The following SPOCK1 variants were observed in gnomAD, a reference collection of about 807,000 sequenced individuals.
The protein encoded by SPOCK1 is testican-1.
A neutral mutation model predicts 55.3 loss-of-function variants in SPOCK1; 23 were observed. That is an observed-to-expected ratio of 0.42 (90% CI 0.30 to 0.59). The LOEUF is 0.59. SPOCK1 is among the 20% of genes least tolerant of loss of function. The pLI is 0.22. For missense variants in SPOCK1, 499 were observed against 552.5 expected (o/e 0.90, Z 0.97); for synonymous variants, 226 against 221.0 (o/e 1.02, Z -0.20).
At chr5:137,109,600 C>T (rs1307280098) in intron 5 of SPOCK1, among the ~76,000 whole-genome samples, 1 of 152,194 alleles carries the variant, frequency 6.6e-6, no homozygotes, top group Non-Finnish European at 1.5e-5. Flanking sequence ...AGATCATCTT[C>T]TCACCTTCCA....
At chr5:137,082,660 G>A (rs1752895177) in intron 5 of SPOCK1, among the ~76,000 whole-genome samples, 1 of 152,162 alleles carries the variant, frequency 6.6e-6, no homozygotes. Flanking sequence ...ATCAGCCTTA[G>A]ATTTCCATCC....
chr5:137,366,004 G>A (rs1327902969), intron 2 of SPOCK1, among the ~76,000 whole-genome samples: 2 of 152,180 alleles, frequency 1.3e-5, no homozygotes, highest in Non-Finnish European at 2.9e-5. Flanking sequence ...GCCCAAAAGG[G>A]TGCAGCAAAA....
At chr5:137,100,875 G>A (rs374376133) in intron 5 of SPOCK1, among the ~76,000 whole-genome samples, 33 of 147,160 alleles carry the variant, frequency 2.2e-4, no homozygotes, top group East Asian at 8.1e-4. Flanking sequence ...TCCGAAAGGG[G>A]AAAAAAAAAA....
intron 3 of SPOCK1, among the ~76,000 whole-genome samples, chr5:137,190,823 C>T (rs1213535589): frequency 6.6e-6 from 1 of 152,174 alleles, no homozygotes; most frequent in African/African-American, 2.4e-5. Context: ...CCTTCCCATT[C>T]CTCCAAGAGA....
chr5:136,994,908 C>A (rs1290171727), intron 6 of SPOCK1, among the ~76,000 whole-genome samples: 2 of 151,940 alleles, frequency 1.3e-5, no homozygotes, highest in Non-Finnish European at 2.9e-5. Flanking sequence ...GGAAGGCTGA[C>A]ACAGGAGAAT....
intron 2 of SPOCK1, among the ~76,000 whole-genome samples, chr5:137,469,714 C>T (rs925139143): frequency 2.6e-5 from 4 of 152,140 alleles, no homozygotes; most frequent in African/African-American, 9.7e-5. Context: ...TATACACACC[C>T]CGTTCTCCTT....
intron 3 of SPOCK1, among the ~76,000 whole-genome samples, chr5:137,230,843 CA>C (rs1756039299): frequency 1.3e-5 from 2 of 152,084 alleles, no homozygotes; most frequent in Non-Finnish European, 2.9e-5. Flanking sequence ...TGACTTCTTA[CA>C]AAACATTCCA....
chr5:137,345,442 G>A (rs926606619), intron 2 of SPOCK1, among the ~76,000 whole-genome samples: 1 of 152,100 alleles, frequency 6.6e-6, no homozygotes, highest in Non-Finnish European at 1.5e-5. Context: ...TGCAGAGATG[G>A]GCATTACCTG....
chr5:137,470,615 C>T (rs961866800), intron 2 of SPOCK1, among the ~76,000 whole-genome samples: 2 of 152,096 alleles, frequency 1.3e-5, no homozygotes, highest in Admixed American at 6.5e-5. Flanking sequence ...GTGGCTCATG[C>T]AAGAGCCATG....
chr5:137,416,139 C>G (rs138190854), intron 2 of SPOCK1, among the ~76,000 whole-genome samples: 1 of 151,582 alleles, frequency 6.6e-6, no homozygotes, highest in African/African-American at 2.4e-5. Flanking sequence ...ACAACGCAAG[C>G]AAGACAGAAG....
chr5:137,104,504 G>A (rs1753328801), intron 5 of SPOCK1, among the ~76,000 whole-genome samples: 1 of 152,094 alleles, frequency 6.6e-6, no homozygotes, highest in Admixed American at 6.5e-5. Context: ...CTTATCGCAG[G>A]GTCCCCATCC....
At chr5:137,455,575 C>T (rs1189687049) in intron 2 of SPOCK1, among the ~76,000 whole-genome samples, 1 of 152,176 alleles carries the variant, frequency 6.6e-6, no homozygotes, top group Non-Finnish European at 1.5e-5. Flanking sequence ...GGAATAATAG[C>T]AACCATTTAC....
chr5:137,461,525 C>G (rs541367270), intron 2 of SPOCK1, among the ~76,000 whole-genome samples: 1 of 152,194 alleles, frequency 6.6e-6, no homozygotes, highest in South Asian at 2.1e-4. Context: ...ACTCCCATAA[C>G]CACGGACTTA....
chr5:137,437,428 TATACC>T (rs2149830947), intron 2 of SPOCK1, among the ~76,000 whole-genome samples: 1 of 152,322 alleles, frequency 6.6e-6, no homozygotes, highest in African/African-American at 2.4e-5. Context: ...TCATCATCCG[TATACC>T]ATACAATTCA....
chr5:137,137,347 T>C (rs945939569), intron 4 of SPOCK1, among the ~76,000 whole-genome samples: 1 of 152,182 alleles, frequency 6.6e-6, no homozygotes, highest in African/African-American at 2.4e-5. Flanking sequence ...CAACATGGTC[T>C]CCCTGGTCAG....
chr5:137,234,997 T>C (rs1756148906), intron 3 of SPOCK1, among the ~76,000 whole-genome samples: 1 of 152,232 alleles, frequency 6.6e-6, no homozygotes, highest in Non-Finnish European at 1.5e-5. Context: ...TATTATTTCA[T>C]CTCAGAGACA....
At position 137,466,835 on chromosome 5, in the gene SPOCK1, G is replaced by T. The variant is rs533419807; in HGVS notation, c.186+31538C>A. ...CAAAATTAGTAGCTTAAAATAGTGA[G>T]CATTAATGATCTCAGATTCTCTGGG... On this transcript the variant is annotated intron_variant, in intron 2 of 10. Transcript: ENST00000394945. Among the ~76,000 whole-genome samples, 167 of 152,324 alleles carry T rather than the reference G, an allele frequency of 1.1e-3. 2 individuals are homozygous for T. Among genetic ancestry groups the T allele is most frequent in the Non-Finnish European group, 2.0e-3 (138 of 68,036 alleles).
At chr5:137,008,331 A>C (rs184895795) in intron 6 of SPOCK1, among the ~76,000 whole-genome samples, 53 of 74,574 alleles carry the variant, frequency 7.1e-4, no homozygotes, top group Non-Finnish European at 1.4e-3. Flanking sequence ...CACACACACA[A>C]TCAACACAGT....
At chr5:137,365,876 A>G (rs1751049138) in intron 2 of SPOCK1, among the ~76,000 whole-genome samples, 1 of 152,214 alleles carries the variant, frequency 6.6e-6, no homozygotes, top group African/African-American at 2.4e-5. Context: ...CAGTTTTCAA[A>G]CATGTATTAT....
Sources: gnomAD v4.1 joint callset for allele counts (sites outside exome capture counted in the v4.1 genomes callset) on GRCh38, gnomAD v4.1.1 for gene constraint, MANE v1.5 for transcripts, NCBI Gene and HGNC (gene_info 2026-07-23, HGNC 2026-07-21) for gene names.